The following SYT16 variants were observed in gnomAD, a reference collection of about 807,000 sequenced individuals.
SYT16 encodes the protein synaptotagmin-16.
A neutral mutation model predicts 61.4 loss-of-function variants in SYT16; 42 were observed. The ratio of observed to expected loss-of-function variants is 0.68; its 90% CI spans 0.53 to 0.89. SYT16 has a LOEUF of 0.89. Among genes scored for constraint, SYT16 ranks in the 40% least tolerant of loss-of-function variants. SYT16 has a pLI of 0.00. For synonymous variants in SYT16, 314 were observed against 302.3 expected (o/e 1.04, Z -0.40); for missense variants, 804 against 807.3 (o/e 1.00, Z 0.05).
At chr14:62,047,597 T>C (rs1313036146) in intron 3 of SYT16, among the ~76,000 whole-genome samples, 5 of 152,168 alleles carry the variant, frequency 3.3e-5, no homozygotes, top group African/African-American at 9.7e-5. Flanking sequence ...TTCAGTATGA[T>C]ATTGGCTGTG....
chr14:61,953,570 G>A (rs1370402759), intron 1 of SYT16, among the ~76,000 whole-genome samples: 2 of 152,170 alleles, frequency 1.3e-5, no homozygotes, highest in East Asian at 3.8e-4. Context: ...GACCAGCACT[G>A]TTGCTGGAGC....
intron 1 of SYT16, among the ~76,000 whole-genome samples, chr14:61,866,286 C>CA (rs1264624093): frequency 6.6e-6 from 1 of 151,702 alleles, no homozygotes; most frequent in Admixed American, 6.6e-5. Flanking sequence ...TTTAGCTCTA[C>CA]AAAAAATTGC....
At chr14:62,096,611 A>G (rs1157913682) in intron 7 of SYT16, among the ~76,000 whole-genome samples, 3 of 152,086 alleles carry the variant, frequency 2.0e-5, no homozygotes, top group African/African-American at 7.2e-5. Context: ...ACAATGTTAA[A>G]TTTTCTAATG....
chr14:62,086,138 C>T (rs147686487), intron 7 of SYT16, among the ~76,000 whole-genome samples: 2 of 152,206 alleles, frequency 1.3e-5, no homozygotes, highest in Admixed American at 1.3e-4. Context: ...AGCTGGAGGC[C>T]AACAAACCAA....
At chr14:62,025,312 T>C (rs1464420882) in intron 3 of SYT16, among the ~76,000 whole-genome samples, 1 of 152,142 alleles carries the variant, frequency 6.6e-6, no homozygotes, top group African/African-American at 2.4e-5. Context: ...TAGTAGTGTC[T>C]TATTGGTGTT....
At chr14:61,968,381 G>T (rs1169360876) in intron 1 of SYT16, among the ~76,000 whole-genome samples, 1 of 152,138 alleles carries the variant, frequency 6.6e-6, no homozygotes, top group Non-Finnish European at 1.5e-5. Flanking sequence ...TAAAGGATGG[G>T]AGACACCTGG....
rs2057598261 is a variant in SYT16, at chr14:62,110,952, CAT to C, written c.*10246_*10247del. 2 of 152,080 alleles carry C rather than the reference CAT, an allele frequency of 1.3e-5. No individual in the cohort carries two copies. Among genetic ancestry groups the C allele is most frequent in the South Asian group, 4.1e-4 (2 of 4,824 alleles). 9.4% of individuals were successfully genotyped at this position (152,080 alleles called of 1,614,324 possible). On this transcript the variant is annotated 3_prime_UTR_variant, in exon 8 of 8. Coordinates refer to ENST00000683842, the MANE Select transcript of SYT16 (RefSeq NM_001367656.1). ...CCCCTCCCAAGTGACTTTCCTCACT[CAT>C]GTAATCATTTTCTTCATAAATGCCC...
chr14:62,024,446 T>A (rs2054024457), intron 3 of SYT16, among the ~76,000 whole-genome samples: 1 of 152,084 alleles, frequency 6.6e-6, no homozygotes, highest in South Asian at 2.1e-4. Context: ...ATCCTTAAAA[T>A]AAAAATTATG....
At chr14:62,028,170 T>A (rs1477055111) in intron 3 of SYT16, among the ~76,000 whole-genome samples, 1 of 152,232 alleles carries the variant, frequency 6.6e-6, no homozygotes, top group Non-Finnish European at 1.5e-5. Context: ...TAGTCATTTA[T>A]GTTTGGCTTC....
At chr14:61,875,171 G>GGCT (rs987900195) in intron 1 of SYT16, among the ~76,000 whole-genome samples, 1 of 152,166 alleles carries the variant, frequency 6.6e-6, no homozygotes, top group Non-Finnish European at 1.5e-5. Context: ...AATTGATAAG[G>GGCT]GCTGCTCTGT....
At chr14:62,061,347 A>G (rs551006703) in intron 3 of SYT16, among the ~76,000 whole-genome samples, 2 of 152,148 alleles carry the variant, frequency 1.3e-5, no homozygotes, top group African/African-American at 4.8e-5. Flanking sequence ...AGATGAAAAA[A>G]CAGATGCAAC....
At chr14:61,895,014 C>T (rs1178766236) in intron 1 of SYT16, among the ~76,000 whole-genome samples, 1 of 152,158 alleles carries the variant, frequency 6.6e-6, no homozygotes, top group African/African-American at 2.4e-5. Context: ...TCCCTGCCAG[C>T]TGCCTCACTC....
At chr14:61,853,154 A>G (rs925314596) in intron 1 of SYT16, among the ~76,000 whole-genome samples, 1 of 152,134 alleles carries the variant, frequency 6.6e-6, no homozygotes, top group Non-Finnish European at 1.5e-5. Flanking sequence ...CCTGACCTCA[A>G]ATGATCCACC....
At chr14:61,831,583 C>T (rs571642910) in intron 1 of SYT16, among the ~76,000 whole-genome samples, 4 of 152,246 alleles carry the variant, frequency 2.6e-5, no homozygotes, top group African/African-American at 9.6e-5. Flanking sequence ...CTTTAAACTG[C>T]CATATGCTGA....
intron 1 of SYT16, among the ~76,000 whole-genome samples, chr14:61,837,342 T>A (rs1032117247): frequency 2.6e-5 from 4 of 151,464 alleles, no homozygotes; most frequent in Non-Finnish European, 5.9e-5. Flanking sequence ...GCTCAAGTGA[T>A]CCTCCCACCT....
At chr14:61,848,395 C>G (rs2046506655) in intron 1 of SYT16, among the ~76,000 whole-genome samples, 1 of 151,892 alleles carries the variant, frequency 6.6e-6, no homozygotes, top group South Asian at 2.1e-4. Context: ...CTCTTGCTCT[C>G]TTTCCTTACT....
At chr14:61,943,801 C>A (rs183453509) in intron 1 of SYT16, among the ~76,000 whole-genome samples, 3 of 152,316 alleles carry the variant, frequency 2.0e-5, no homozygotes, top group Middle Eastern at 3.4e-3. Flanking sequence ...AATGTGGAAG[C>A]ATTCCCTTTG....
At position 62,108,872 on chromosome 14, in the gene SYT16, A is replaced by C. The variant is rs1481826586; in HGVS notation, c.*8165A>C. 6.6e-6 allele frequency: 1 copy of C among 152,160 alleles called. No homozygotes were observed. The highest frequency in any genetic ancestry group is 2.4e-5 in the African/African-American group (1 of 41,446). The allele number at this position is 152,160 out of a possible 1,614,324, so 9.4% of individuals were successfully genotyped here. ...GTCTTTGAGATCTACTTTTTAAGAA[A>C]TTAATAAATTTTATTTTTTAGAGTT... On this transcript the variant is annotated 3_prime_UTR_variant, in exon 8 of 8. Coordinates refer to ENST00000683842, the MANE Select transcript of SYT16 (RefSeq NM_001367656.1).
intron 2 of SYT16, among the ~76,000 whole-genome samples, chr14:61,977,115 G>A (rs1055822554): frequency 3.3e-5 from 5 of 152,050 alleles, no homozygotes; most frequent in South Asian, 2.1e-4. Context: ...CCTGGACTTC[G>A]TTGTCCACAT....
Sources: gnomAD v4.1 joint callset for allele counts (sites outside exome capture counted in the v4.1 genomes callset) on GRCh38, gnomAD v4.1.1 for gene constraint, MANE v1.5 for transcripts, NCBI Gene and HGNC (gene_info 2026-07-23, HGNC 2026-07-21) for gene names.